TCF7L1: variants seen among roughly 807,000 people sequenced by gnomAD.
The protein encoded by TCF7L1 is transcription factor 7-like 1.
Under a neutral mutation model 63.7 loss-of-function variants are expected in TCF7L1, and 18 were observed. The ratio of observed to expected loss-of-function variants is 0.28; its 90% CI spans 0.20 to 0.42. The LOEUF is 0.42. TCF7L1 is among the 10% of genes least tolerant of loss of function. The probability of loss-of-function intolerance (pLI) is 1.00; values close to 1 mark genes in which losing one functional copy is unlikely to be tolerated. For synonymous variants in TCF7L1, 355 were observed against 340.9 expected, an observed-to-expected ratio of 1.04 and a Z score of -0.46; for missense variants, 654 against 779.3, an observed-to-expected ratio of 0.84 and a Z score of 1.91.
At chr2:85,147,011 G>A (rs1208307671) in intron 3 of TCF7L1, among the ~76,000 whole-genome samples, 1 of 152,062 alleles carries the variant, frequency 6.6e-6, no homozygotes, top group Non-Finnish European at 1.5e-5. Flanking sequence ...ATATTTTGAG[G>A]TGGTACACTT....
At chr2:85,249,133 T>C (rs1680535457) in intron 3 of TCF7L1, among the ~76,000 whole-genome samples, 1 of 152,208 alleles carries the variant, frequency 6.6e-6, no homozygotes, top group South Asian at 2.1e-4. Flanking sequence ...AAAGTAGCAT[T>C]TGAAATTTTA....
At chr2:85,242,283 C>A (rs1250955032) in intron 3 of TCF7L1, among the ~76,000 whole-genome samples, 3 of 152,206 alleles carry the variant, frequency 2.0e-5, no homozygotes, top group Non-Finnish European at 4.4e-5. Flanking sequence ...ACATAGAACC[C>A]ACGTCACATA....
chr2:85,303,540 G>A lies in TCF7L1; in HGVS notation c.659-355G>A, dbSNP rs148814288. ...ATCCAAAGTTTATTTCTCCATGAAT[G>A]AGGCGGGCTTTCTAGAGACTTGGTT... On this transcript the variant is annotated intron_variant, in intron 5 of 11. Coordinates refer to ENST00000282111, the MANE Select transcript of TCF7L1 (RefSeq NM_031283.3). 582 of 209,342 alleles carry A rather than the reference G, an allele frequency of 2.8e-3. 8 individuals are homozygous for A. Among genetic ancestry groups the A allele is most frequent in the African/African-American group, 0.012 (534 of 43,776 alleles). 13.0% of individuals were successfully genotyped at this position (209,342 alleles called of 1,614,324 possible). A position where few individuals can be genotyped will look rare whatever the true frequency, so the allele number is the denominator to read the frequency against.
At chr2:85,204,073 G>A (rs1186757637) in intron 3 of TCF7L1, among the ~76,000 whole-genome samples, 5 of 152,108 alleles carry the variant, frequency 3.3e-5, no homozygotes, top group Non-Finnish European at 7.4e-5. Context: ...ATAAAGAGAT[G>A]CTTGCTAATG....
intron 3 of TCF7L1, among the ~76,000 whole-genome samples, chr2:85,271,932 A>C (rs1045769564): frequency 3.9e-5 from 6 of 152,210 alleles, no homozygotes; most frequent in African/African-American, 1.4e-4. Flanking sequence ...CAATGGAGAG[A>C]GGATTTGGGA....
At chr2:85,273,306 T>G (rs1031715524) in intron 3 of TCF7L1, among the ~76,000 whole-genome samples, 1 of 152,242 alleles carries the variant, frequency 6.6e-6, no homozygotes, top group African/African-American at 2.4e-5. Context: ...TCACCTGCAG[T>G]GACTCCATAT....
At chr2:85,184,500 G>C (rs1678870511) in intron 3 of TCF7L1, among the ~76,000 whole-genome samples, 1 of 152,192 alleles carries the variant, frequency 6.6e-6, no homozygotes, top group Non-Finnish European at 1.5e-5. Flanking sequence ...TCAGGAAATA[G>C]GTCTATAGTC....
chr2:85,262,664 A>G (rs1024655393), intron 3 of TCF7L1, among the ~76,000 whole-genome samples: 2 of 152,228 alleles, frequency 1.3e-5, no homozygotes, highest in Non-Finnish European at 2.9e-5. Context: ...TGAATTCCCC[A>G]TCATATACAT....
intron 3 of TCF7L1, among the ~76,000 whole-genome samples, chr2:85,230,537 G>A (rs1011981965): frequency 9.9e-5 from 15 of 152,138 alleles, no homozygotes; most frequent in African/African-American, 2.9e-4. Flanking sequence ...GTTTCACCAT[G>A]TTGGCCAGGG....
At chr2:85,282,793 ATTGTGTGT>A (rs1558655496) in intron 3 of TCF7L1, among the ~76,000 whole-genome samples, 2 of 56,620 alleles carry the variant, frequency 3.5e-5, no homozygotes, top group South Asian at 5.6e-4. Flanking sequence ...AGAGAGAGAG[ATTGTGTGT>A]GTGTGTGTGT....
intron 3 of TCF7L1, among the ~76,000 whole-genome samples, chr2:85,152,665 C>A (rs990018037): frequency 1.5e-5 from 2 of 131,958 alleles, no homozygotes; most frequent in African/African-American, 3.3e-5. Flanking sequence ...AAACTCTAGA[C>A]CTCGGGTTAT....
intron 3 of TCF7L1, among the ~76,000 whole-genome samples, chr2:85,281,297 T>C (rs1681413205): frequency 6.6e-6 from 1 of 152,184 alleles, no homozygotes; most frequent in Non-Finnish European, 1.5e-5. Flanking sequence ...AGTGCTGGGA[T>C]TACAGGCATA....
At chr2:85,175,275 A>G (rs150989930) in intron 3 of TCF7L1, among the ~76,000 whole-genome samples, 16 of 152,294 alleles carry the variant, frequency 1.1e-4, no homozygotes, top group Non-Finnish European at 2.2e-4. Flanking sequence ...CCCTGCCCCC[A>G]CAATTGTTAT....
chr2:85,285,104 G>A (rs886281103), intron 4 of TCF7L1, among the ~76,000 whole-genome samples: 3 of 152,092 alleles, frequency 2.0e-5, no homozygotes, highest in Admixed American at 6.5e-5. Context: ...GTGGTGGCGG[G>A]CGCCTGTAGT....
At chr2:85,296,417 G>A (rs1224730865) in intron 4 of TCF7L1, among the ~76,000 whole-genome samples, 4 of 152,140 alleles carry the variant, frequency 2.6e-5, no homozygotes, top group African/African-American at 9.7e-5. Context: ...TTGCATCCTC[G>A]TTACCTCATT....
intron 3 of TCF7L1, among the ~76,000 whole-genome samples, chr2:85,181,794 CT>C (rs550053870): frequency 5.3e-5 from 8 of 152,146 alleles, no homozygotes; most frequent in South Asian, 2.1e-4. Flanking sequence ...GGTGTTGCCC[CT>C]CTTTGAGGCA....
intron 3 of TCF7L1, among the ~76,000 whole-genome samples, chr2:85,156,542 C>T (rs1032622325): frequency 6.6e-6 from 1 of 152,204 alleles, no homozygotes; most frequent in Non-Finnish European, 1.5e-5. Flanking sequence ...CTAAATGGGA[C>T]TCTGTATGTA....
In TCF7L1 at chr2:85,256,338, G is replaced by A. The variant is rs559376990; in HGVS notation, c.442-27157G>A. ...AGTTGTAAGGATGGGGAGGGAGGAAGCTCAGCGAGGCAGTTGTGTTATCCA... is the reference window on the plus strand; with the variant it reads ...AGTTGTAAGGATGGGGAGGGAGGAAACTCAGCGAGGCAGTTGTGTTATCCA... On this transcript the variant is annotated intron_variant, in intron 3 of 11. Coordinates refer to ENST00000282111, the MANE Select transcript of TCF7L1 (RefSeq NM_031283.3). Among the ~76,000 whole-genome samples the A allele has an allele frequency of 9.2e-4, 140 of 152,336 alleles. 1 individual carries two copies. The highest frequency in any genetic ancestry group is 3.3e-3 in the African/African-American group (136 of 41,580).
intron 4 of TCF7L1, among the ~76,000 whole-genome samples, chr2:85,285,060 C>T (rs143930443): frequency 4.6e-5 from 7 of 151,982 alleles, no homozygotes; most frequent in African/African-American, 1.7e-4. Context: ...GGTGAAACAC[C>T]GTCTCTACTA....
Sources: gnomAD v4.1 joint callset for allele counts (sites outside exome capture counted in the v4.1 genomes callset) on GRCh38, gnomAD v4.1.1 for gene constraint, MANE v1.5 for transcripts, NCBI Gene and HGNC (gene_info 2026-07-23, HGNC 2026-07-21) for gene names.